The following SYNJ2 variants were observed in gnomAD, a reference collection of about 807,000 sequenced individuals.
SYNJ2 encodes polyphosphatidylinositol phosphatase SYNJ2.
A neutral mutation model predicts 141.3 loss-of-function variants in SYNJ2; 116 were observed. The ratio of observed to expected loss-of-function variants is 0.82; its 90% CI spans 0.71 to 0.96. The LOEUF (loss-of-function observed/expected upper bound fraction) is 0.96. Ranked by LOEUF, SYNJ2 falls within the 40% of genes least tolerant of loss-of-function variation. SYNJ2 has a pLI of 0.00. For missense variants in SYNJ2, 1,873 were observed against 1,934.8 expected (o/e 0.97, Z 0.60); for synonymous variants, 745 against 777.7 (o/e 0.96, Z 0.70).
At position 158,047,774 on chromosome 6, in the gene SYNJ2, C is replaced by CAAAAAAAAA. The variant is rs58147972; in HGVS notation, c.795+4398_795+4406dup. On this transcript the variant is annotated intron_variant, in intron 5 of 26. Transcript: ENST00000355585. ...CCTGGTCAACAGAGTGCGACTCTGTCAAAAAAAAAAAAAAAAAAAAAAAAA... is the reference window on the plus strand; with the variant it reads ...CCTGGTCAACAGAGTGCGACTCTGTCAAAAAAAAAAAAAAAAAAAAAAAAAAAAAAAAAA... 1.0e-2 allele frequency among the ~76,000 whole-genome samples: 323 copies of CAAAAAAAAA among 32,380 alleles called. 54 individuals are homozygous for CAAAAAAAAA. The highest frequency in any genetic ancestry group is 0.011 in the Non-Finnish European group (218 of 19,788). The allele number at this position is 32,380 out of a possible 152,430, so 21.2% of individuals were successfully genotyped here.
intron 1 of SYNJ2, among the ~76,000 whole-genome samples, chr6:158,005,077 CTA>C (rs146007767): frequency 3.9e-5 from 5 of 129,356 alleles, no homozygotes; most frequent in African/African-American, 1.3e-4. Flanking sequence ...GTCCCAGTGA[CTA>C]TTTTTTTTTT....
intron 2 of SYNJ2, among the ~76,000 whole-genome samples, chr6:158,022,033 C>G (rs1054177043): frequency 1.3e-5 from 2 of 152,228 alleles, no homozygotes; most frequent in Admixed American, 1.3e-4. Context: ...ACACCTCCCT[C>G]ATGTTCTGCA....
At chr6:158,035,435 A>G (rs1779587493) in intron 4 of SYNJ2, among the ~76,000 whole-genome samples, 1 of 152,152 alleles carries the variant, frequency 6.6e-6, no homozygotes, top group Non-Finnish European at 1.5e-5. Context: ...TTCTTCTCAC[A>G]GCAGTTGTGA....
rs568587398 is a variant in SYNJ2 at position 158,008,488 on chromosome 6, G to A, written c.128-8716G>A. Among the ~76,000 whole-genome samples the A allele has an allele frequency of 3.9e-5, 6 of 152,308 alleles. No homozygotes were observed. In the South Asian group the frequency reaches 6.2e-4, roughly 16 times the overall value. On this transcript the variant is annotated intron_variant, in intron 1 of 26. Transcript: ENST00000355585. Reference sequence around the variant, plus strand: ...ATTCACAAGGCCTGGGGTGGGCCCCGTAACTTGTATTTCTAATGCTTGGTG... The same window carrying A: ...ATTCACAAGGCCTGGGGTGGGCCCCATAACTTGTATTTCTAATGCTTGGTG...
chr6:158,083,874 C>T (rs904380904), intron 21 of SYNJ2, 127 bp from the exon 22 acceptor site: 70 of 1,155,476 alleles, frequency 6.1e-5, no homozygotes, highest in Non-Finnish European at 8.5e-5. Flanking sequence ...CTGCTGGCGC[C>T]TGGGCCCTGA....
intron 1 of SYNJ2, among the ~76,000 whole-genome samples, chr6:158,010,354 G>A (rs1442647269): frequency 6.6e-6 from 1 of 152,208 alleles, no homozygotes; most frequent in African/African-American, 2.4e-5. Context: ...AGGGTGCGGG[G>A]TGACTCTGGA....
chr6:157,981,671 C>T (rs1777010756), upstream of SYNJ2, among the ~76,000 whole-genome samples: 1 of 151,880 alleles, frequency 6.6e-6, no homozygotes, highest in Admixed American at 6.6e-5. This position sits in a 1 kb window ranked among gnomAD's most constrained non-coding sequence, Gnocchi z 6.4. Flanking sequence ...CGCTCCACGC[C>T]CGCCTGCGGG....
rs555598504 is a variant in SYNJ2, at chr6:158,081,503, G to T, written c.2858G>T (p.Gly953Val). ...GCTCTCAGTGTCCTGGACGTGGACGGTATGAAGGTACGCTGTACTTGGCCA... is the reference window on the plus strand; with the variant it reads ...GCTCTCAGTGTCCTGGACGTGGACGTTATGAAGGTACGCTGTACTTGGCCA... ...HSALSVLDVDGMKVKGRAVKI... is the reference protein window; with the variant it reads ...HSALSVLDVDVMKVKGRAVKI... Residue 953 changes from glycine (G) to valine (V), a missense_variant, in exon 20 of 27, where the codon GGT becomes GTT. Physicochemically the swap from Gly to Val is moderately radical, Grantham distance 109. Coordinates refer to ENST00000355585, the MANE Select transcript of SYNJ2 (RefSeq NM_003898.4). 6.2e-7 allele frequency: 1 copy of T among 1,613,408 alleles called. No individual in the cohort carries two copies. The highest frequency in any genetic ancestry group is 1.1e-5 in the South Asian group (1 of 91,058).
intron 3 of SYNJ2, chr6:158,029,307 G>T (rs1171842509): frequency 7.2e-6 from 2 of 279,450 alleles, no homozygotes; most frequent in Admixed American, 9.0e-5. Context: ...CCAGCACTTT[G>T]GGAGGCTGAG....
In SYNJ2 at chr6:158,093,038, C is replaced by T. The variant is rs1464650786; in HGVS notation, c.3678C>T (p.Leu1226=). The T allele has an allele frequency of 4.3e-6, 7 of 1,611,432 alleles. No homozygotes were observed. The highest frequency in any genetic ancestry group is 5.9e-6 in the Non-Finnish European group (7 of 1,179,414). The change falls in exon 26 of 27, where the codon CTC becomes CTT. Residue 1226 remains leucine, a synonymous_variant. Transcript: ENST00000355585. ...AKPETPQAPP[L]LPRRPPPRVP... ...CAGAGACCCCACAGGCGCCCCCACTCCTTCCCCGTCGGCCCCCACCCAGAG... is the reference window on the plus strand; with the variant it reads ...CAGAGACCCCACAGGCGCCCCCACTTCTTCCCCGTCGGCCCCCACCCAGAG...
chr6:157,992,431 T>C (rs1777481553), intron 1 of SYNJ2, among the ~76,000 whole-genome samples: 1 of 150,500 alleles, frequency 6.6e-6, no homozygotes, highest in Admixed American at 6.6e-5. Context: ...TTTCCTTTTT[T>C]TTGAGACAGA....
At chr6:157,999,992 G>A (rs746300515) in intron 1 of SYNJ2, among the ~76,000 whole-genome samples, 6 of 148,132 alleles carry the variant, frequency 4.1e-5, no homozygotes, top group African/African-American at 1.0e-4. Context: ...AGTGCACCTC[G>A]GCATGCAGTT....
chr6:158,046,109 A>AT (rs1409040507), intron 5 of SYNJ2, among the ~76,000 whole-genome samples: 2 of 151,698 alleles, frequency 1.3e-5, no homozygotes, highest in Admixed American at 6.6e-5. Flanking sequence ...TGCCTGGCTA[A>AT]TTTTTTTTGT....
chr6:158,076,099 G>A (rs1384819940), intron 16 of SYNJ2, among the ~76,000 whole-genome samples: 1 of 152,150 alleles, frequency 6.6e-6, no homozygotes, highest in African/African-American at 2.4e-5. Flanking sequence ...GAGGCAGGAG[G>A]ATCACATGAG....
At chr6:158,088,000 A>G (rs2128396624) in intron 23 of SYNJ2, among the ~76,000 whole-genome samples, 1 of 105,220 alleles carries the variant, frequency 9.5e-6, no homozygotes, top group East Asian at 3.6e-4. Context: ...AATGGCTGCA[A>G]GTATATTTTA....
chr6:158,023,437 C>T (rs111691540), intron 2 of SYNJ2, among the ~76,000 whole-genome samples: 7 of 152,042 alleles, frequency 4.6e-5, no homozygotes, highest in African/African-American at 1.2e-4. Flanking sequence ...GGAGAGGCAG[C>T]GCTCCACACA....
rs1190963748 is a variant in SYNJ2, at chr6:158,097,002, C to T, written c.*638C>T. The T allele has an allele frequency of 6.5e-6, 1 of 152,764 alleles. No homozygotes were observed. Among genetic ancestry groups the T allele is most frequent in the Non-Finnish European group, 1.5e-5 (1 of 68,168 alleles). 9.5% of individuals were successfully genotyped at this position (152,764 alleles called of 1,614,324 possible). A position where few individuals can be genotyped will look rare whatever the true frequency, so the allele number is the denominator to read the frequency against. On this transcript the variant is annotated 3_prime_UTR_variant, in exon 27 of 27. Transcript: ENST00000355585. ...TCCCGAGGGAGCCGGTGGCATACAC[C>T]GTTAGCTTAACCTTAGCTTAAACTA...
In SYNJ2 at chr6:158,015,093, A is replaced by T. The variant is rs113485009; in HGVS notation, c.128-2111A>T. Among the ~76,000 whole-genome samples, 1,462 of 152,316 alleles carry T rather than the reference A, an allele frequency of 9.6e-3. 27 individuals are homozygous for T. The highest frequency in any genetic ancestry group is 0.033 in the African/African-American group (1,390 of 41,570). ...CAAGGTTCACCTGCTTCAAATGTTC[A>T]TCCAAGCTTTCTACACTTGCCTCTC... On this transcript the variant is annotated intron_variant, in intron 1 of 26. Transcript: ENST00000355585.
At chr6:158,088,890 C>T (rs1410145952) in intron 24 of SYNJ2, 118 bp downstream of exon 24, 5 of 720,224 alleles carry the variant, frequency 6.9e-6, no homozygotes, top group Non-Finnish European at 2.4e-6. Flanking sequence ...TGCTCACCAT[C>T]TCATCTCCAA....
Sources: gnomAD v4.1 joint callset for allele counts (sites outside exome capture counted in the v4.1 genomes callset) on GRCh38, gnomAD v4.1.1 for gene constraint, Gnocchi (gnomAD v3.1) non-coding constraint, MANE v1.5 for transcripts, NCBI Gene and HGNC (gene_info 2026-07-23, HGNC 2026-07-21) for gene names.